The following SLC35D4 variants were observed in gnomAD, a reference collection of about 807,000 sequenced individuals.
The protein encoded by SLC35D4 is solute carrier family 35 member D4.
the SLC35D4 span, chr18:23,421,550 T>G: frequency 1.1e-6 from 1 of 904,892 alleles, no homozygotes; most frequent in Non-Finnish European, 1.8e-6. Flanking sequence ...AGTTCAACTC[T>G]ATTTACTACT....
At chr18:23,252,203 A>G in the SLC35D4 span, among the ~76,000 whole-genome samples, 4 of 152,194 alleles carry the variant, frequency 2.6e-5, no homozygotes, top group Admixed American at 1.3e-4. Flanking sequence ...AGTGGTTGCC[A>G]GGAGCTGGAG....
the SLC35D4 span, among the ~76,000 whole-genome samples, chr18:23,396,166 A>G: frequency 6.6e-6 from 1 of 152,218 alleles, no homozygotes; most frequent in African/African-American, 2.4e-5. Context: ...GCATCTGTGC[A>G]GAGTTAACTC....
chr18:23,395,976 T>C, the SLC35D4 span, among the ~76,000 whole-genome samples: 1 of 152,222 alleles, frequency 6.6e-6, no homozygotes, highest in East Asian at 1.9e-4. Flanking sequence ...GCCCCATCCC[T>C]TTCAGTTCCT....
At chr18:23,390,945 G>T in the SLC35D4 span, among the ~76,000 whole-genome samples, 1,205 of 152,240 alleles carry the variant, frequency 7.9e-3, 8 homozygotes, top group Middle Eastern at 0.017. Flanking sequence ...ATGTTCCTAG[G>T]CCGGGTGCAG....
chr18:23,370,406 C>G, the SLC35D4 span: 1 of 695,974 alleles, frequency 1.4e-6, no homozygotes, highest in South Asian at 1.8e-5. Context: ...TCACACCCAG[C>G]TGACAGGAGA....
At chr18:23,431,485 C>T in the SLC35D4 span, among the ~76,000 whole-genome samples, 4 of 152,226 alleles carry the variant, frequency 2.6e-5, no homozygotes, top group Non-Finnish European at 5.9e-5. Context: ...TGTTTCTCTT[C>T]AAGTAAAATC....
the SLC35D4 span, chr18:23,258,470 C>T: frequency 6.6e-6 from 1 of 152,162 alleles, no homozygotes; most frequent in Non-Finnish European, 1.5e-5. Flanking sequence ...TTCCCACGTG[C>T]CCAGGGCTGT....
chr18:23,437,698 G>A, the SLC35D4 span: 2 of 1,421,842 alleles, frequency 1.4e-6, no homozygotes, highest in East Asian at 2.5e-5. Flanking sequence ...TAAAAAGCAG[G>A]AGGAGGCTCC....
At chr18:23,240,463 C>T in the SLC35D4 span, among the ~76,000 whole-genome samples, 3 of 152,362 alleles carry the variant, frequency 2.0e-5, no homozygotes, top group Admixed American at 2.0e-4. Context: ...CTGAAACAGG[C>T]CCTGGCTCCA....
At chr18:23,284,510 CT>C in the SLC35D4 span, among the ~76,000 whole-genome samples, 1 of 152,294 alleles carries the variant, frequency 6.6e-6, no homozygotes, top group South Asian at 2.1e-4. Context: ...GTTGTCCTAC[CT>C]TTCTGGTCAA....
chr18:23,312,337 T>C, the SLC35D4 span, among the ~76,000 whole-genome samples: 1 of 152,332 alleles, frequency 6.6e-6, no homozygotes, highest in East Asian at 1.9e-4. Context: ...AAACACATCT[T>C]AAAAATTTTA....
chr18:23,240,175 AG>A, the SLC35D4 span, among the ~76,000 whole-genome samples: 1 of 152,170 alleles, frequency 6.6e-6, no homozygotes, highest in African/African-American at 2.4e-5. Flanking sequence ...CGTGGGCCCC[AG>A]GGGGTAGGCC....
chr18:23,401,446 C>G, the SLC35D4 span, among the ~76,000 whole-genome samples: 1 of 152,212 alleles, frequency 6.6e-6, no homozygotes, highest in Non-Finnish European at 1.5e-5. Context: ...GCACCCCCAA[C>G]CAAAAGATGA....
At chr18:23,257,075 G>A in the SLC35D4 span, 3 of 819,314 alleles carry the variant, frequency 3.7e-6, no homozygotes, top group South Asian at 5.3e-5. Flanking sequence ...AGGAAGCACA[G>A]CCTGTGCCTC....
At chr18:23,377,675 C>A in the SLC35D4 span, 1 of 1,569,232 alleles carries the variant, frequency 6.4e-7, no homozygotes, top group Non-Finnish European at 8.6e-7. Context: ...ATGTTTTCTG[C>A]ATAAAAGTAA....
At chr18:23,429,366 CT>C in the SLC35D4 span, among the ~76,000 whole-genome samples, 5 of 151,600 alleles carry the variant, frequency 3.3e-5, no homozygotes, top group African/African-American at 7.3e-5. Context: ...TATTTTTTGC[CT>C]TTTTTTTAGA....
the SLC35D4 span, among the ~76,000 whole-genome samples, chr18:23,251,666 G>A: frequency 2.0e-5 from 3 of 152,316 alleles, no homozygotes; most frequent in Non-Finnish European, 2.9e-5. Flanking sequence ...TTTAGAAAGA[G>A]GGAAGGAGGG....
At chr18:23,355,926 A>G in the SLC35D4 span, among the ~76,000 whole-genome samples, 2 of 152,184 alleles carry the variant, frequency 1.3e-5, no homozygotes, top group Non-Finnish European at 2.9e-5. Context: ...CTTTGGACCT[A>G]TCTACATAAG....
chr18:23,263,226 T>C, the SLC35D4 span, among the ~76,000 whole-genome samples: 1 of 152,176 alleles, frequency 6.6e-6, no homozygotes, highest in Non-Finnish European at 1.5e-5. Flanking sequence ...GCCACTAACA[T>C]GGTGGAGGGC....
Sources: gnomAD v4.1 joint callset for allele counts (sites outside exome capture counted in the v4.1 genomes callset) on GRCh38, gnomAD v4.1.1 for gene constraint, MANE v1.5 for transcripts, NCBI Gene and HGNC (gene_info 2026-07-23, HGNC 2026-07-21) for gene names.